The following DLGAP1 variants were observed in gnomAD, a reference collection of about 807,000 sequenced individuals.
The protein encoded by DLGAP1 is disks large-associated protein 1.
In DLGAP1, 11 loss-of-function variants were observed where a neutral mutation model predicts 90.8. The observed-to-expected ratio is 0.12, with a 90% CI of 0.08 to 0.20. The LOEUF (loss-of-function observed/expected upper bound fraction) is 0.20, where lower values mean the gene tolerates loss of function less well. Ranked by LOEUF, DLGAP1 falls within the 10% of genes least tolerant of loss-of-function variation. The pLI is 1.00. For synonymous variants in DLGAP1, 558 were observed against 540.7 expected, an observed-to-expected ratio of 1.03 and a Z score of -0.44; for missense variants, 1,050 against 1,333.8, an observed-to-expected ratio of 0.79 and a Z score of 3.31.
At chr18:3,937,005 G>C (rs368386135) in intron 3 of DLGAP1, among the ~76,000 whole-genome samples, 1 of 152,194 alleles carries the variant, frequency 6.6e-6, no homozygotes, top group Non-Finnish European at 1.5e-5. Flanking sequence ...AGAACTAATG[G>C]AGGAGCACGT....
intron 5 of DLGAP1, among the ~76,000 whole-genome samples, chr18:3,776,314 GCTCT>G (rs1384421954): frequency 2.0e-5 from 3 of 152,194 alleles, no homozygotes; most frequent in African/African-American, 7.2e-5. Flanking sequence ...ATCATCTGGA[GCTCT>G]CTGTCTCCAG....
chr18:4,258,833 G>T (rs1056176393), intron 1 of DLGAP1, among the ~76,000 whole-genome samples: 1 of 151,926 alleles, frequency 6.6e-6, no homozygotes, highest in Non-Finnish European at 1.5e-5. Context: ...CTACTCTTTG[G>T]TCATGAACAA....
intron 2 of DLGAP1, among the ~76,000 whole-genome samples, chr18:4,115,753 C>A (rs1220093308): frequency 6.6e-6 from 1 of 152,134 alleles, no homozygotes; most frequent in Non-Finnish European, 1.5e-5. Flanking sequence ...CGTAAGCCAC[C>A]GCGCCCAGCC....
chr18:3,577,495 G>A (rs1040976208), intron 8 of DLGAP1, among the ~76,000 whole-genome samples: 1 of 152,206 alleles, frequency 6.6e-6, no homozygotes, highest in Non-Finnish European at 1.5e-5. Flanking sequence ...GTAGGATGTT[G>A]TGTCTTCTAC....
At chr18:3,816,102 C>G (rs1414966670) in intron 4 of DLGAP1, among the ~76,000 whole-genome samples, 3 of 152,062 alleles carry the variant, frequency 2.0e-5, no homozygotes, top group African/African-American at 7.2e-5. Flanking sequence ...AAAAAAATTG[C>G]CTATAAGATC....
chr18:3,557,980 C>A (rs1324369351), intron 9 of DLGAP1, among the ~76,000 whole-genome samples: 1 of 151,912 alleles, frequency 6.6e-6, no homozygotes, highest in Admixed American at 6.6e-5. Context: ...ATATGTTCTG[C>A]CCTATCTAGG....
chr18:3,786,545 A>C (rs2065459142), intron 5 of DLGAP1, among the ~76,000 whole-genome samples: 1 of 152,148 alleles, frequency 6.6e-6, no homozygotes. Flanking sequence ...TTGGGTTTGG[A>C]CTAGCTATGG....
At chr18:3,758,851 T>C (rs9953198) in intron 5 of DLGAP1, among the ~76,000 whole-genome samples, 2,516 of 152,288 alleles carry the variant, frequency 0.017, 74 homozygotes, top group African/African-American at 0.057. Flanking sequence ...AGAGTCCCTT[T>C]ACAAATTTTA....
At chr18:4,035,595 C>T (rs935234057) in intron 2 of DLGAP1, among the ~76,000 whole-genome samples, 1 of 152,066 alleles carries the variant, frequency 6.6e-6, no homozygotes, top group Non-Finnish European at 1.5e-5. Flanking sequence ...GATCGTATAC[C>T]TTTACTTCTC....
chr18:4,331,110 A>G (rs2143726912), intron 1 of DLGAP1, among the ~76,000 whole-genome samples: 1 of 151,950 alleles, frequency 6.6e-6, no homozygotes, highest in East Asian at 1.9e-4. Context: ...CCCCAGTAAT[A>G]TTCCTTGTCT....
intron 1 of DLGAP1, among the ~76,000 whole-genome samples, chr18:4,329,430 T>C (rs1391343658): frequency 6.6e-6 from 1 of 151,994 alleles, no homozygotes; most frequent in South Asian, 2.1e-4. Flanking sequence ...TATTGTAAGT[T>C]CTCCAGCTTT....
At chr18:3,895,859 G>A (rs1220806351) in intron 3 of DLGAP1, 1 of 152,160 alleles carries the variant, frequency 6.6e-6, no homozygotes, top group Non-Finnish European at 1.5e-5. Flanking sequence ...GGCAACGATT[G>A]AAGAAACTGT....
At chr18:3,834,425 A>G (rs2068254766) in intron 4 of DLGAP1, among the ~76,000 whole-genome samples, 1 of 151,922 alleles carries the variant, frequency 6.6e-6, no homozygotes, top group Non-Finnish European at 1.5e-5. Context: ...CTAATATACT[A>G]GTTCTTTAAC....
intron 1 of DLGAP1, among the ~76,000 whole-genome samples, chr18:4,402,710 T>C (rs2082581057): frequency 6.6e-6 from 1 of 151,908 alleles, no homozygotes; most frequent in African/African-American, 2.4e-5. Flanking sequence ...AAAAGAAAAA[T>C]TAGAGGAAGT....
chr18:3,851,402 G>T (rs750059363), intron 4 of DLGAP1, among the ~76,000 whole-genome samples: 3 of 152,162 alleles, frequency 2.0e-5, no homozygotes, highest in Non-Finnish European at 2.9e-5. Flanking sequence ...TTGGTTCTGA[G>T]TCAGATGATG....
At chr18:4,135,790 C>CTTTTT (rs58513784) in intron 2 of DLGAP1, among the ~76,000 whole-genome samples, 26,701 of 126,722 alleles carry the variant, frequency 0.21, 3,003 homozygotes, top group African/African-American at 0.28. Context: ...GAATCTGATT[C>CTTTTT]TTTTTTTTTT....
rs1352054006 is a variant in DLGAP1 at position 4,084,937 on chromosome 18, A to G, written c.-159+66243T>C. Among the ~76,000 whole-genome samples the G allele has an allele frequency of 7.3e-6, 1 of 136,466 alleles. No individual in the cohort carries two copies. Among genetic ancestry groups the G allele is most frequent in the African/African-American group, 2.8e-5 (1 of 36,234 alleles). The allele number at this position is 136,466 out of a possible 152,430, so 89.5% of individuals were successfully genotyped here. ...TTATGATTGACTCTAAATCAAAGAG[A>G]GCATGCTGCAAGGAGCAGGCATCGT... is the stretch of plus-strand genomic sequence containing the variant. On this transcript the variant is annotated intron_variant, in intron 2 of 12. Transcript: ENST00000315677. This position sits in a 1 kb window ranked among gnomAD's most constrained non-coding sequence, Gnocchi z 4.0.
chr18:3,589,996 C>T (rs543828931), intron 7 of DLGAP1, among the ~76,000 whole-genome samples: 1 of 152,248 alleles, frequency 6.6e-6, no homozygotes, highest in African/African-American at 2.4e-5. Flanking sequence ...CTGCAACATC[C>T]ACCTCCCAGG....
intron 1 of DLGAP1, among the ~76,000 whole-genome samples, chr18:4,242,398 G>T (rs1241557048): frequency 6.6e-6 from 1 of 151,968 alleles, no homozygotes; most frequent in Admixed American, 6.6e-5. Flanking sequence ...TAGAAAGTCC[G>T]CCCAGAATTC....
Sources: gnomAD v4.1 joint callset for allele counts (sites outside exome capture counted in the v4.1 genomes callset) on GRCh38, gnomAD v4.1.1 for gene constraint, Gnocchi (gnomAD v3.1) non-coding constraint, MANE v1.5 for transcripts, NCBI Gene and HGNC (gene_info 2026-07-23, HGNC 2026-07-21) for gene names.